Variants in TRIM46 observed in about 807,000 individuals in gnomAD.
The protein encoded by TRIM46 is tripartite motif-containing protein 46.
A neutral mutation model predicts 69.7 loss-of-function variants in TRIM46; 17 were observed. The observed-to-expected ratio is 0.24, with a 90% CI of 0.17 to 0.37. The LOEUF (loss-of-function observed/expected upper bound fraction) is 0.37. Among genes scored for constraint, TRIM46 ranks in the 10% least tolerant of loss-of-function variants. The pLI is 1.00. For synonymous variants in TRIM46, 391 were observed against 429.0 expected (o/e 0.91, Z 1.09); for missense variants, 675 against 1,025.1 (o/e 0.66, Z 4.66).
Position 155,173,893 on chromosome 1 carries a change from C to T in TRIM46, c.-74C>T. 1 of 1,468,148 alleles carries T rather than the reference C, an allele frequency of 6.8e-7. No individual in the cohort carries two copies. Among genetic ancestry groups the T allele is most frequent in the South Asian group, 1.2e-5 (1 of 82,426 alleles). 90.9% of individuals were successfully genotyped at this position (1,468,148 alleles called of 1,614,324 possible). On this transcript the variant is annotated 5_prime_UTR_variant, in exon 1 of 10. Transcript: ENST00000334634. Reference sequence around the variant, plus strand: ...CAGCCCTCCTCACACCCCCACTGGGCTCCTGCATTAAGCCCGGGGTTCGCA... The same window carrying T: ...CAGCCCTCCTCACACCCCCACTGGGTTCCTGCATTAAGCCCGGGGTTCGCA...
Position 155,177,212 on chromosome 1 carries a change from C to G in TRIM46, c.831C>G (p.Ser277Arg), listed in dbSNP as rs747550757. Reference protein sequence around the residue: ...YQALKDKLTKSLTYILGNQDT... With the variant: ...YQALKDKLTKRLTYILGNQDT... ...CCCCTCAGGACAAGCTGACAAAGAG[C>G]CTGACATACATCCTGGGAAACCAGG... The change falls in exon 5 of 10, where the codon AGC (serine) becomes AGG (arginine). Residue 277 changes from serine to arginine, a missense_variant. Around this residue, in one of 5 missense-constraint regions of TRIM46, gnomAD observed 361 missense variants for 498.3 expected, o/e 0.72. Coordinates refer to ENST00000334634, the MANE Select transcript of TRIM46 (RefSeq NM_025058.5). 6 of 1,614,176 alleles carry G rather than the reference C, an allele frequency of 3.7e-6. No homozygotes were observed. The South Asian group carries it at 5.5e-5, about 15-fold the overall frequency.
rs541202618 is a variant in TRIM46, at chr1:155,184,321, C to T, written c.*131C>T. ...TACCATGTGGCCCTGCTCCTTCTCC[C>T]GTGTCTGTCTTCCCACAGTTTTCTC... On this transcript the variant is annotated 3_prime_UTR_variant, in exon 10 of 10. Transcript: ENST00000334634. This position sits in a 1 kb window ranked among gnomAD's most constrained non-coding sequence, Gnocchi z 5.6. 9.9e-7 allele frequency: 1 copy of T among 1,010,784 alleles called. No homozygotes were observed. Among genetic ancestry groups the T allele is most frequent in the Non-Finnish European group, 1.4e-6 (1 of 712,968 alleles). The allele number at this position is 1,010,784 out of a possible 1,614,324, so 62.6% of individuals were successfully genotyped here.
rs773749671 is a variant in TRIM46 at position 155,175,963 on chromosome 1, A to G, written c.401A>G (p.Gln134Arg). ...ATCATGTTCCCGTGCCCAGCCTGCC[A>G]AGGTGATGTGGAGCTTGGGGAGCGG... ...QVIMFPCPAC[Q>R]GDVELGERGL... The change falls in exon 3 of 10, where the codon CAA becomes CGA. Residue 134 changes from glutamine (Q) to arginine (R), a missense_variant. By Grantham distance (43) the Gln-to-Arg change is conservative (BLOSUM62 1). Coordinates refer to ENST00000334634, the MANE Select transcript of TRIM46 (RefSeq NM_025058.5). The surrounding 1 kb of genome is among the most constrained non-coding windows in gnomAD (Gnocchi z 4.2). The G allele has an allele frequency of 3.1e-6, 5 of 1,611,084 alleles. No homozygotes were observed. The African/African-American group carries it at 4.0e-5, about 13-fold the overall frequency.
At chr1:155,178,859 C>T (rs1665910090) in intron 7 of TRIM46, 3 of 1,434,270 alleles carry the variant, frequency 2.1e-6, no homozygotes, top group Non-Finnish European at 1.8e-6. Flanking sequence ...AAGTCAGCGG[C>T]CCTGCCCCGG....
chr1:155,179,493 A>T, intron 7 of TRIM46, 139 bp from the exon 8 acceptor site: 1 of 729,376 alleles, frequency 1.4e-6, no homozygotes, highest in Non-Finnish European at 2.2e-6. Flanking sequence ...CCCAGTTCCC[A>T]GATGAGCCCT....
Position 155,177,237 on chromosome 1 carries a change from G to C in TRIM46, c.856G>C (p.Asp286His), listed in dbSNP as rs1228798119. 1 of 1,614,052 alleles carries C rather than the reference G, an allele frequency of 6.2e-7. No homozygotes were observed. Among genetic ancestry groups the C allele is most frequent in the South Asian group, 1.1e-5 (1 of 91,068 alleles). Residue 286 changes from aspartate to histidine, a missense_variant, in exon 5 of 10, where the codon GAC becomes CAC. Asp to His is a moderately conservative substitution (Grantham distance 81). This residue lies in a region of TRIM46 where 361 missense variants were observed against 498.3 expected (regional missense o/e 0.72). Transcript: ENST00000334634. Reference protein sequence around the residue: ...KSLTYILGNQDTVQTQICELE... With the variant: ...KSLTYILGNQHTVQTQICELE... ...CCTGACATACATCCTGGGAAACCAG[G>C]ACACGGTACAGACCCAGATCTGTGA... is the stretch of plus-strand genomic sequence containing the variant.
intron 7 of TRIM46, 126 bp downstream of exon 7, chr1:155,178,739 T>TGGGGGCCC: frequency 5.9e-6 from 8 of 1,348,438 alleles, no homozygotes; most frequent in South Asian, 1.3e-5. Context: ...CAGCCATTCC[T>TGGGGGCCC]CCCACCCAGC....
chr1:155,184,175 C>T lies in TRIM46; in HGVS notation c.2265C>T (p.Phe755=), dbSNP rs746702791. 62 of 1,609,406 alleles carry T rather than the reference C, an allele frequency of 3.9e-5. No homozygotes were observed. The highest frequency in any genetic ancestry group is 5.0e-5 in the Non-Finnish European group (59 of 1,177,898). The change falls in exon 10 of 10, where the codon TTC becomes TTT. Residue 755 remains phenylalanine, a synonymous_variant. Coordinates refer to ENST00000334634, the MANE Select transcript of TRIM46 (RefSeq NM_025058.5). The surrounding 1 kb of genome is among the most constrained non-coding windows in gnomAD (Gnocchi z 5.6). ...AGAGGAAAGTCACCATTGGGGGCTT[C>T]GCCAAGCTGGACTGAGCCTTCCAGG... is the stretch of plus-strand genomic sequence containing the variant. The part of the protein sequence containing the change: ...KPERKVTIGG[F]AKLD
chr1:155,178,544 T>C lies in TRIM46; in HGVS notation c.1216T>C (p.Ser406Pro). The C allele has an allele frequency of 6.2e-7, 1 of 1,614,100 alleles. No individual in the cohort carries two copies. Among genetic ancestry groups the C allele is most frequent in the Admixed American group, 1.7e-5 (1 of 60,012 alleles). Reference sequence around the variant, plus strand: ...GACATTCCGGCCAGCTGCCAGCTCCTCCTTCCGCCATTGCCAGCTCGACGT... The same window carrying C: ...GACATTCCGGCCAGCTGCCAGCTCCCCCTTCCGCCATTGCCAGCTCGACGT... ...LQTFRPAASS[S>P]FRHCQLDVGR... Residue 406 changes from serine to proline, a missense_variant, in exon 7 of 10, where the codon TCC becomes CCC. Physicochemically the swap from Ser to Pro is moderately conservative, Grantham distance 74 (BLOSUM62 -1). Around this residue, in one of 5 missense-constraint regions of TRIM46, gnomAD observed 361 missense variants for 498.3 expected, o/e 0.72. Transcript: ENST00000334634.
intron 9 of TRIM46, among the ~76,000 whole-genome samples, chr1:155,183,349 C>T (rs1409539662): frequency 6.6e-6 from 1 of 152,040 alleles, no homozygotes; most frequent in African/African-American, 2.4e-5. Context: ...GTCCCCAACC[C>T]CGCATACCTC....
rs1288904213 is a variant in TRIM46 at position 155,175,743 on chromosome 1, T to C, written c.325+96T>C. On this transcript the variant is annotated intron_variant, in intron 2 of 9. Coordinates refer to ENST00000334634, the MANE Select transcript of TRIM46 (RefSeq NM_025058.5). This position sits in a 1 kb window ranked among gnomAD's most constrained non-coding sequence, Gnocchi z 4.2. ...CACTGGTCAGAGGCATCTGTCTGTC[T>C]TTCTGGGGGGTGGAGATACTGCTTA... The C allele has an allele frequency of 6.2e-7, 1 of 1,600,898 alleles. No homozygotes were observed. Among genetic ancestry groups the C allele is most frequent in the Non-Finnish European group, 8.5e-7 (1 of 1,172,268 alleles).
intron 1 of TRIM46, 48 bp downstream of exon 1, chr1:155,174,077 T>C: frequency 6.5e-7 from 1 of 1,535,890 alleles, no homozygotes; most frequent in South Asian, 1.2e-5. Context: ...TATAGGGTTC[T>C]GGGGCAAGCT....
rs962689467 is a variant in TRIM46, at chr1:155,175,159, C to G, written c.64-227C>G. 7.1e-7 allele frequency: 1 copy of G among 1,403,128 alleles called. No individual in the cohort carries two copies. The highest frequency in any genetic ancestry group is 1.5e-5 in the African/African-American group (1 of 67,918). The allele number at this position is 1,403,128 out of a possible 1,614,324, so 86.9% of individuals were successfully genotyped here. A position where few individuals can be genotyped will look rare whatever the true frequency, so the allele number is the denominator to read the frequency against. On this transcript the variant is annotated intron_variant, in intron 1 of 9. Transcript: ENST00000334634. The surrounding 1 kb of genome is among the most constrained non-coding windows in gnomAD (Gnocchi z 4.2). ...CTTGAGGCTGGAGCAGGCACAAGCT[C>G]CAACCGTCCCTCCTCTGGGCCTTTA...
chr1:155,184,002 G>A lies in TRIM46; in HGVS notation c.2092G>A (p.Glu698Lys). 6.2e-7 allele frequency: 1 copy of A among 1,614,142 alleles called. No individual in the cohort carries two copies. Reference sequence around the variant, plus strand: ...CCGCCTGGGCATCTGCCTGGACTATGAGCGGGGCCGGGTTTCCTTCCTGGA... The same window carrying A: ...CCGCCTGGGCATCTGCCTGGACTATAAGCGGGGCCGGGTTTCCTTCCTGGA... ...PPRLGICLDY[E>K]RGRVSFLDAV... The change falls in exon 10 of 10, where the codon GAG (glutamate) becomes AAG (lysine). Residue 698 changes from glutamate (E) to lysine (K), a missense_variant. Glu to Lys is a moderately conservative substitution (Grantham distance 56, BLOSUM62 1). Coordinates refer to ENST00000334634, the MANE Select transcript of TRIM46 (RefSeq NM_025058.5). This position sits in a 1 kb window ranked among gnomAD's most constrained non-coding sequence, Gnocchi z 5.6.
In TRIM46 at chr1:155,175,231, T is replaced by C; in HGVS notation, c.64-155T>C. On this transcript the variant is annotated intron_variant, in intron 1 of 9. Transcript: ENST00000334634. This position sits in a 1 kb window ranked among gnomAD's most constrained non-coding sequence, Gnocchi z 4.2. ...AGCAAGGGACAGAGGTCTGGGAAGG[T>C]CTGTGAACCAGCCCAAGGCAGGTGC... The C allele has an allele frequency of 6.6e-7, 1 of 1,507,042 alleles. No homozygotes were observed. Among genetic ancestry groups the C allele is most frequent in the South Asian group, 1.4e-5 (1 of 73,558 alleles). 93.4% of individuals were successfully genotyped at this position (1,507,042 alleles called of 1,614,324 possible). A position where few individuals can be genotyped will look rare whatever the true frequency, so the allele number is the denominator to read the frequency against.
chr1:155,181,834 C>T lies in TRIM46; in HGVS notation c.1589-18C>T, dbSNP rs778124463. ...CCCTGAAGTTCTTGCTCCATCTCAA[C>T]CCTCTCCCTCCTTCCAGTCCTGCAC... On this transcript the variant is annotated intron_variant, in intron 8 of 9. Transcript: ENST00000334634. This position sits in a 1 kb window ranked among gnomAD's most constrained non-coding sequence, Gnocchi z 4.3. 2 of 1,598,704 alleles carry T rather than the reference C, an allele frequency of 1.3e-6. No individual in the cohort carries two copies. Among genetic ancestry groups the T allele is most frequent in the South Asian group, 2.2e-5 (2 of 89,798 alleles).
In TRIM46 at chr1:155,175,568, C is replaced by T; in HGVS notation, c.246C>T (p.Ser82=). The T allele has an allele frequency of 1.9e-6, 3 of 1,612,798 alleles. No individual in the cohort carries two copies. Residue 82 remains serine, a synonymous_variant, in exon 2 of 10, where the codon TCC becomes TCT. Coordinates refer to ENST00000334634, the MANE Select transcript of TRIM46 (RefSeq NM_025058.5). This position sits in a 1 kb window ranked among gnomAD's most constrained non-coding sequence, Gnocchi z 4.2. ...DPSSEPTSPA[S]TPSTRSPRLS... ...GCTCCGAGCCCACCTCTCCTGCCTC[C>T]ACCCCTTCCACCCGCAGCCCCCGCC...
chr1:155,176,676 A>G (rs958458124), intron 3 of TRIM46, among the ~76,000 whole-genome samples: 2 of 152,220 alleles, frequency 1.3e-5, no homozygotes, highest in Admixed American at 1.3e-4. Context: ...TGGCATCATT[A>G]TTACTGTTAT....
At position 155,182,175 on chromosome 1, in the gene TRIM46, G is replaced by T. The variant is rs746130640; in HGVS notation, c.1886+26G>T. On this transcript the variant is annotated intron_variant, in intron 9 of 9. Transcript: ENST00000334634. ...GTCAGACCCCTCTGGAAGGGATGGG[G>T]TGTGGGGGTCCTGGTGGGAGTGAGG... 6 of 1,606,830 alleles carry T rather than the reference G, an allele frequency of 3.7e-6. No homozygotes were observed. In the Admixed American group the frequency reaches 1.0e-4, roughly 27 times the overall value.
Sources: gnomAD v4.1 joint callset for allele counts (sites outside exome capture counted in the v4.1 genomes callset) on GRCh38, gnomAD v4.1.1 for gene constraint, gnomAD v4.1.1 regional missense constraint, Gnocchi (gnomAD v3.1) non-coding constraint, MANE v1.5 for transcripts, NCBI Gene and HGNC (gene_info 2026-07-23, HGNC 2026-07-21) for gene names.